BLOC1S3: variants seen among roughly 807,000 people sequenced by gnomAD.
The protein encoded by BLOC1S3 is biogenesis of lysosomal organelles complex 1 subunit 3.
In BLOC1S3, 7 loss-of-function variants were observed where a neutral mutation model predicts 9.1. That is an observed-to-expected ratio of 0.77 (90% CI 0.44 to 1.45). The LOEUF is 1.45. Ranked by LOEUF, BLOC1S3 falls within the 40% of genes most tolerant of loss-of-function variation. The probability of loss-of-function intolerance (pLI) is 0.01; values close to 1 mark genes in which losing one functional copy is unlikely to be tolerated. For synonymous variants in BLOC1S3, 145 were observed against 158.4 expected, an observed-to-expected ratio of 0.92 and a Z score of 0.64; for missense variants, 307 against 315.2, an observed-to-expected ratio of 0.97 and a Z score of 0.20.
chr19:45,193,401 A>G (rs1333864027), intron 2 of BLOC1S3, among the ~76,000 whole-genome samples: 1 of 152,078 alleles, frequency 6.6e-6, no homozygotes, highest in Non-Finnish European at 1.5e-5. Flanking sequence ...TATTGGTTGT[A>G]TATCATTTTC....
At chr19:45,212,975 T>C in intron 3 of BLOC1S3, 1 of 1,320,284 alleles carries the variant, frequency 7.6e-7, no homozygotes, top group Non-Finnish European at 9.9e-7. Context: ...CAGGGGTGTG[T>C]GGTCCCAGGC....
intron 3 of BLOC1S3, among the ~76,000 whole-genome samples, chr19:45,215,277 C>A (rs1425776227): frequency 3.3e-5 from 5 of 152,096 alleles, no homozygotes; most frequent in Non-Finnish European, 7.4e-5. Context: ...TCGAGACCAG[C>A]CTGGGCAACA....
chr19:45,215,979 C>A, intron 3 of BLOC1S3: 1 of 1,525,650 alleles, frequency 6.6e-7, no homozygotes, highest in Non-Finnish European at 8.9e-7. Context: ...CCGGCTCCCT[C>A]CCTCAGGAGG....
At chr19:45,208,622 G>A (rs1258888553) in intron 3 of BLOC1S3, among the ~76,000 whole-genome samples, 1 of 152,106 alleles carries the variant, frequency 6.6e-6, no homozygotes, top group Non-Finnish European at 1.5e-5. Flanking sequence ...GGGTGTGGTG[G>A]TGGGTGCCTG....
chr19:45,206,820 A>G (rs1045970460), intron 3 of BLOC1S3, among the ~76,000 whole-genome samples: 20 of 151,746 alleles, frequency 1.3e-4, no homozygotes, highest in African/African-American at 4.4e-4. Flanking sequence ...CTTATTAGCT[A>G]TAGCTCTTTG....
At chr19:45,191,004 A>G (rs1040735622) in intron 2 of BLOC1S3, among the ~76,000 whole-genome samples, 4 of 150,046 alleles carry the variant, frequency 2.7e-5, no homozygotes, top group African/African-American at 9.8e-5. Flanking sequence ...ACGGGGTTTC[A>G]CCATGTTAGT....
intron 2 of BLOC1S3, among the ~76,000 whole-genome samples, chr19:45,202,210 TAAAA>T (rs59295257): frequency 1.8e-5 from 1 of 54,928 alleles, no homozygotes; most frequent in Admixed American, 2.7e-4. Context: ...AGACTCCATC[TAAAA>T]AAAAAAAAAA....
intron 2 of BLOC1S3, among the ~76,000 whole-genome samples, chr19:45,195,034 G>C (rs185868475): frequency 3.0e-3 from 451 of 151,122 alleles, no homozygotes; most frequent in African/African-American, 0.01. Context: ...CAGTTCAAGC[G>C]AGTCTCCTGC....
rs1173177265 is a variant in BLOC1S3 at position 45,180,516 on chromosome 19, C to G, written c.*611C>G. 3.7e-5 allele frequency: 6 copies of G among 161,026 alleles called. No individual in the cohort carries two copies. In the East Asian group the frequency reaches 1.2e-3, roughly 31 times the overall value. 10.0% of individuals were successfully genotyped at this position (161,026 alleles called of 1,614,324 possible). On this transcript the variant is annotated 3_prime_UTR_variant, in exon 2 of 2. Transcript: ENST00000433642. Reference sequence around the variant, plus strand: ...CAAGCAATCCTCCCACTGTGGCGTCCCAAAGTGCTGGGGTTACAGGTGTGA... The same window carrying G: ...CAAGCAATCCTCCCACTGTGGCGTCGCAAAGTGCTGGGGTTACAGGTGTGA...
intron 2 of BLOC1S3, among the ~76,000 whole-genome samples, chr19:45,188,509 C>T (rs1311631514): frequency 6.6e-6 from 1 of 150,614 alleles, no homozygotes; most frequent in Non-Finnish European, 1.5e-5. Flanking sequence ...ACTAGTCACC[C>T]GGATGTGCTG....
At chr19:45,216,868 G>C (rs1969840778) in exon 4 of BLOC1S3, 1 of 152,022 alleles carries the variant, frequency 6.6e-6, no homozygotes, top group African/African-American at 2.4e-5. Context: ...TCCGGGCTTG[G>C]AACTCCAAGA....
Position 45,213,317 on chromosome 19 carries a change from G to A in BLOC1S3, n.283-3359G>A, listed in dbSNP as rs545279176. On this transcript the variant is annotated intron_variant and non_coding_transcript_variant, in intron 3 of 3. Transcript: ENST00000591569. Reference sequence around the variant, plus strand: ...ATCTCCTGGCGGGCGGCTGTGTTGCGCAGGCCACGGATGTCGAGGAGGGCT... The same window carrying A: ...ATCTCCTGGCGGGCGGCTGTGTTGCACAGGCCACGGATGTCGAGGAGGGCT... 1.7e-5 allele frequency: 28 copies of A among 1,613,694 alleles called. No individual in the cohort carries two copies. Among genetic ancestry groups the A allele is most frequent in the South Asian group, 2.2e-5 (2 of 91,048 alleles).
intron 3 of BLOC1S3, among the ~76,000 whole-genome samples, chr19:45,206,408 T>C (rs1796605380): frequency 6.8e-6 from 1 of 147,828 alleles, no homozygotes; most frequent in South Asian, 2.1e-4. Context: ...CTGATTCATC[T>C]GGTCATTGTT....
intron 2 of BLOC1S3, among the ~76,000 whole-genome samples, chr19:45,196,898 CAA>C (rs761156453): frequency 2.2e-5 from 3 of 136,978 alleles, no homozygotes; most frequent in Non-Finnish European, 1.6e-5. Flanking sequence ...AAGACTGTCT[CAA>C]AAAAAAAAAA....
upstream of BLOC1S3, among the ~76,000 whole-genome samples, chr19:45,187,128 A>G (rs761111151): frequency 6.6e-5 from 10 of 152,074 alleles, no homozygotes; most frequent in Non-Finnish European, 7.4e-5. Context: ...GGCTGGGAGA[A>G]TTCCAGGATA....
chr19:45,184,903 CAAAAAAAAA>C (rs71338752), downstream of BLOC1S3, among the ~76,000 whole-genome samples: 19 of 48,292 alleles, frequency 3.9e-4, no homozygotes, highest in South Asian at 8.7e-4. Context: ...CTGTCTCAAA[CAAAAAAAAA>C]AAAAAAAAAA....
rs191732373 is a variant in BLOC1S3 at position 45,214,373 on chromosome 19, C to T, written n.283-2303C>T. On this transcript the variant is annotated intron_variant and non_coding_transcript_variant, in intron 3 of 3. Coordinates refer to the BLOC1S3 transcript ENST00000591569. ...AGCACTGCAAGGACTGGCGTTGCTC[C>T]GGCAGCCACCACCACTGCCACCACC... Among the ~76,000 whole-genome samples, 21 of 152,288 alleles carry T rather than the reference C, an allele frequency of 1.4e-4. No individual in the cohort carries two copies. The East Asian group carries it at 3.3e-3, about 24-fold the overall frequency.
chr19:45,200,907 T>A (rs35531751), intron 2 of BLOC1S3, among the ~76,000 whole-genome samples: 32,645 of 152,124 alleles, frequency 0.21, 4,398 homozygotes, highest in Non-Finnish European at 0.29. Flanking sequence ...TCTTGCAGCA[T>A]CTTAGAGGTG....
intron 3 of BLOC1S3, among the ~76,000 whole-genome samples, chr19:45,210,046 AAAAAC>A (rs61681909): frequency 2.0e-5 from 3 of 151,922 alleles, no homozygotes; most frequent in African/African-American, 4.8e-5. Flanking sequence ...ACTCTGTCTC[AAAAAC>A]AAAACAAAAC....
Sources: allele counts gnomAD v4.1 joint callset (sites outside exome capture counted in the v4.1 genomes callset), GRCh38; gene constraint gnomAD v4.1.1; transcripts MANE v1.5; gene names NCBI Gene and HGNC (gene_info 2026-07-23, HGNC 2026-07-21).